The following KCNH7 variants were observed in gnomAD, a reference collection of about 807,000 sequenced individuals.
KCNH7 encodes potassium voltage-gated channel subfamily H member 7, also known as voltage-gated inwardly rectifying potassium channel KCNH7.
Under a neutral mutation model 120.8 loss-of-function variants are expected in KCNH7, and 49 were observed. That is an observed-to-expected ratio of 0.41 (90% confidence interval 0.32 to 0.51). KCNH7 has a LOEUF of 0.51. KCNH7 is among the 20% of genes least tolerant of loss of function. The pLI, the probability that KCNH7 is intolerant of heterozygous loss-of-function variation, is 0.38. For synonymous variants in KCNH7, 547 were observed against 516.1 expected (o/e 1.06, Z -0.81); for missense variants, 1,097 against 1,446.6 (o/e 0.76, Z 3.92).
rs1046976879 is a variant in KCNH7, at chr2:162,385,176, G to A, written c.2711-237C>T. On this transcript the variant is annotated intron_variant, in intron 12 of 15. Coordinates refer to ENST00000332142, the MANE Select transcript of KCNH7 (RefSeq NM_033272.4). Reference sequence around the variant, plus strand: ...TGGTAATAATGTTTATGTCTCAGACGAAAACTATGATAACTTACAAACTTG... The same window carrying A: ...TGGTAATAATGTTTATGTCTCAGACAAAAACTATGATAACTTACAAACTTG... Among the ~76,000 whole-genome samples, 8 of 151,772 alleles carry A rather than the reference G, an allele frequency of 5.3e-5. No homozygotes were observed. In the East Asian group the frequency reaches 1.4e-3, roughly 26 times the overall value.
chr2:162,536,616 A>T (rs1692115976), intron 3 of KCNH7, among the ~76,000 whole-genome samples: 2 of 151,980 alleles, frequency 1.3e-5, no homozygotes, highest in South Asian at 4.1e-4. Flanking sequence ...TACATATGAA[A>T]ATACATAAGC....
chr2:162,477,971 T>A (rs118023210), intron 6 of KCNH7, among the ~76,000 whole-genome samples: 3,115 of 152,232 alleles, frequency 0.02, 221 homozygotes, highest in Admixed American at 0.15. Context: ...AAAATGGGTA[T>A]GACACAAATA....
At chr2:162,682,206 G>GA (rs1268527330) in intron 2 of KCNH7, among the ~76,000 whole-genome samples, 5 of 151,464 alleles carry the variant, frequency 3.3e-5, no homozygotes, top group African/African-American at 4.8e-5. Context: ...TCCATTCATT[G>GA]AAAAAAATAT....
At position 162,501,605 on chromosome 2, in the gene KCNH7, G is replaced by T. The variant is rs117419551; in HGVS notation, c.1128+2838C>A. Among the ~76,000 whole-genome samples the T allele has an allele frequency of 3.4e-3, 517 of 152,152 alleles. 17 individuals are homozygous for T. In the East Asian group the frequency reaches 0.086, roughly 25 times the overall value. Reference sequence around the variant, plus strand: ...CAGTTATGGCGGCTGTGAAGTCCAAGATCAAGTTGCCAGCCTATTTAATGC... The same window carrying T: ...CAGTTATGGCGGCTGTGAAGTCCAATATCAAGTTGCCAGCCTATTTAATGC... On this transcript the variant is annotated intron_variant, in intron 6 of 15. Transcript: ENST00000332142.
intron 6 of KCNH7, among the ~76,000 whole-genome samples, chr2:162,479,527 G>C (rs13422692): frequency 0.21 from 31,290 of 152,002 alleles, 6,066 homozygotes; most frequent in African/African-American, 0.5. Context: ...ATATATTTTG[G>C]TTCTTGTTTA....
intron 2 of KCNH7, among the ~76,000 whole-genome samples, chr2:162,803,421 T>C (rs2105548156): frequency 1.3e-5 from 2 of 151,856 alleles, no homozygotes; most frequent in East Asian, 3.9e-4. Flanking sequence ...TATTATAACA[T>C]TGGATTTAAC....
intron 2 of KCNH7, among the ~76,000 whole-genome samples, chr2:162,551,435 G>C (rs2105858160): frequency 6.6e-6 from 1 of 151,970 alleles, no homozygotes; most frequent in African/African-American, 2.4e-5. Context: ...GGAAAACCTA[G>C]CAAGAGTTGA....
At chr2:162,601,098 T>G (rs1379342570) in intron 2 of KCNH7, among the ~76,000 whole-genome samples, 2 of 152,130 alleles carry the variant, frequency 1.3e-5, no homozygotes, top group African/African-American at 4.8e-5. Context: ...ATCAATACTC[T>G]TGAGAGAACA....
chr2:162,653,321 AG>A (rs1252688869), intron 2 of KCNH7, among the ~76,000 whole-genome samples: 1 of 152,220 alleles, frequency 6.6e-6, no homozygotes, highest in Non-Finnish European at 1.5e-5. Context: ...TTGTTTGCAA[AG>A]GACATGATCT....
At chr2:162,563,073 C>A (rs1214922433) in intron 2 of KCNH7, among the ~76,000 whole-genome samples, 1 of 152,142 alleles carries the variant, frequency 6.6e-6, no homozygotes, top group Non-Finnish European at 1.5e-5. Flanking sequence ...GTAATTTAAG[C>A]ACTGCCACTA....
intron 13 of KCNH7, among the ~76,000 whole-genome samples, chr2:162,380,901 C>A (rs1280774446): frequency 6.6e-6 from 1 of 152,096 alleles, no homozygotes; most frequent in African/African-American, 2.4e-5. Flanking sequence ...TTCTGAACTT[C>A]TTTTAATTTC....
At chr2:162,568,826 A>G (rs1038052664) in intron 2 of KCNH7, among the ~76,000 whole-genome samples, 2 of 152,084 alleles carry the variant, frequency 1.3e-5, no homozygotes, top group African/African-American at 4.8e-5. Context: ...ACATAAATGT[A>G]TGACATAAAT....
chr2:162,424,087 G>A (rs1375265843), intron 8 of KCNH7, among the ~76,000 whole-genome samples: 1 of 152,100 alleles, frequency 6.6e-6, no homozygotes, highest in Non-Finnish European at 1.5e-5. Flanking sequence ...ATTCTTTTAA[G>A]AAACCAGTTT....
At chr2:162,789,226 A>G (rs908714498) in intron 2 of KCNH7, among the ~76,000 whole-genome samples, 6 of 152,054 alleles carry the variant, frequency 3.9e-5, no homozygotes, top group African/African-American at 1.4e-4. Flanking sequence ...GAATATTCTA[A>G]TACTGTGATG....
Position 162,836,371 on chromosome 2 carries a change from C to T in KCNH7, c.307+166G>A, listed in dbSNP as rs556640069. ...TATTCAAAGAAAAAATTGTTTCTAC[C>T]AGACCACTAATCAGAATACCCATAT... On this transcript the variant is annotated intron_variant, in intron 2 of 15. Transcript: ENST00000332142. Among the ~76,000 whole-genome samples the T allele has an allele frequency of 2.0e-5, 3 of 152,250 alleles. No homozygotes were observed. The South Asian group carries it at 6.2e-4, about 32-fold the overall frequency.
intron 2 of KCNH7, among the ~76,000 whole-genome samples, chr2:162,664,392 C>T (rs1685066758): frequency 6.6e-6 from 1 of 152,140 alleles, no homozygotes; most frequent in Non-Finnish European, 1.5e-5. Context: ...AACTGTCATA[C>T]AGCAGGTGCT....
At chr2:162,569,155 G>C (rs890880194) in intron 2 of KCNH7, among the ~76,000 whole-genome samples, 5 of 151,240 alleles carry the variant, frequency 3.3e-5, no homozygotes, top group Non-Finnish European at 7.4e-5. Context: ...AATCCATCTG[G>C]TCCTGGACTC....
At chr2:162,797,594 G>T (rs1314942133) in intron 2 of KCNH7, 1 of 151,954 alleles carries the variant, frequency 6.6e-6, no homozygotes. Flanking sequence ...TACATCTTTG[G>T]ACTACTTTTG....
Position 162,752,940 on chromosome 2 carries a change from A to G in KCNH7, c.307+83597T>C, listed in dbSNP as rs939559612. On this transcript the variant is annotated intron_variant, in intron 2 of 15. Coordinates refer to ENST00000332142, the MANE Select transcript of KCNH7 (RefSeq NM_033272.4). ...AAAGAAAAGAAAAGAAAAGAAAAGA[A>G]AAGAAAAGAAAAGAAAAGAAAAGAA... 2.6e-4 allele frequency among the ~76,000 whole-genome samples: 26 copies of G among 99,098 alleles called. No individual in the cohort carries two copies. The East Asian group carries it at 4.2e-3, about 16-fold the overall frequency. 65.0% of individuals were successfully genotyped at this position (99,098 alleles called of 152,430 possible). A position where few individuals can be genotyped will look rare whatever the true frequency, so the allele number is the denominator to read the frequency against.
Sources: gnomAD v4.1 joint callset for allele counts (sites outside exome capture counted in the v4.1 genomes callset) on GRCh38, gnomAD v4.1.1 for gene constraint, MANE v1.5 for transcripts, NCBI Gene and HGNC (gene_info 2026-07-23, HGNC 2026-07-21) for gene names.